Variants in ANKRD30A observed in about 807,000 individuals in gnomAD.
The protein encoded by ANKRD30A is ankyrin repeat domain 30A.
In ANKRD30A, 170 loss-of-function variants were observed where a neutral mutation model predicts 166.3. The ratio of observed to expected loss-of-function variants is 1.02; its 90% CI spans 0.90 to 1.16. ANKRD30A has a LOEUF of 1.16. ANKRD30A is among the 50% of genes most tolerant of loss of function. The pLI is 0.00. For synonymous variants in ANKRD30A, 564 were observed against 508.9 expected, an observed-to-expected ratio of 1.11 and a Z score of -1.46; for missense variants, 1,630 against 1,518.0, an observed-to-expected ratio of 1.07 and a Z score of -1.23.
chr10:37,159,496 G>C (rs944371786), intron 15 of ANKRD30A, among the ~76,000 whole-genome samples: 2 of 152,042 alleles, frequency 1.3e-5, no homozygotes, highest in African/African-American at 2.4e-5. Context: ...TTGAGTGACA[G>C]AGTGAGACTC....
chr10:37,218,876 A>G, intron 33 of ANKRD30A, 104 bp from the exon 34 acceptor site: 1 of 777,012 alleles, frequency 1.3e-6, no homozygotes, highest in Admixed American at 3.1e-5. Context: ...TACTTATAAA[A>G]ACCCTTTCAT....
At chr10:37,134,978 G>T (rs1488055613) in intron 5 of ANKRD30A, among the ~76,000 whole-genome samples, 1 of 152,104 alleles carries the variant, frequency 6.6e-6, no homozygotes, top group Admixed American at 6.6e-5. Flanking sequence ...ATCTTATTCC[G>T]TAAGATCCCT....
rs201943652 is a variant in ANKRD30A, at chr10:37,132,247, T to C, written c.518T>C (p.Leu173Pro). The C allele has an allele frequency of 5.5e-5, 88 of 1,587,870 alleles. No homozygotes were observed. Among genetic ancestry groups the C allele is most frequent in the Non-Finnish European group, 7.3e-5 (85 of 1,169,612 alleles). ...TGTTTTGCTATTTTACAGGCTAGCC[T>C]CACACCACTTTTACTATCCATAACG... ...AVIEVHNKAS[L>P]TPLLLSITKR... The change falls in exon 4 of 36, where the codon CTC (leucine) becomes CCC (proline). Residue 173 changes from leucine (L) to proline (P), a missense_variant. By Grantham distance (98) the Leu-to-Pro change is moderately conservative (BLOSUM62 -3). Transcript: ENST00000361713.
chr10:37,129,173 C>G (rs1836232068), intron 1 of ANKRD30A, among the ~76,000 whole-genome samples: 2 of 152,132 alleles, frequency 1.3e-5, no homozygotes, highest in African/African-American at 2.4e-5. Context: ...CTGCCTCGTC[C>G]TGTTGTATAT....
chr10:37,224,282 AAT>A (rs1006407210), intron 34 of ANKRD30A, among the ~76,000 whole-genome samples: 1 of 151,184 alleles, frequency 6.6e-6, no homozygotes, highest in Non-Finnish European at 1.5e-5. Flanking sequence ...AATATCTAAA[AAT>A]ATGTCTTTGT....
At chr10:37,152,572 T>TG (rs1479389551) in intron 12 of ANKRD30A, among the ~76,000 whole-genome samples, 1 of 152,128 alleles carries the variant, frequency 6.6e-6, no homozygotes, top group East Asian at 1.9e-4. Context: ...TTGAATGTAT[T>TG]GACATATGTT....
chr10:37,196,091 C>CT lies in ANKRD30A; in HGVS notation c.2615-1189dup, dbSNP rs1554823840. Among the ~76,000 whole-genome samples the CT allele has an allele frequency of 9.8e-3, 1,131 of 115,558 alleles. 30 individuals are homozygous for CT. Among genetic ancestry groups the CT allele is most frequent in the African/African-American group, 0.033 (1,066 of 32,676 alleles). 75.8% of individuals were successfully genotyped at this position (115,558 alleles called of 152,430 possible). On this transcript the variant is annotated intron_variant, in intron 27 of 35. Coordinates refer to ENST00000361713, the MANE Select transcript of ANKRD30A (RefSeq NM_052997.3). The stretch of plus-strand genomic sequence containing the variant: ...AGAGTTAGAGGTTTTTTTATATTTT[C>CT]TATTTTTTTTTTTTTTTTTTTGTAG...
At chr10:37,158,922 A>T (rs1279593009) in intron 15 of ANKRD30A, among the ~76,000 whole-genome samples, 2 of 152,186 alleles carry the variant, frequency 1.3e-5, no homozygotes, top group African/African-American at 2.4e-5. Context: ...GCTGATTGGA[A>T]TTCCGATCTT....
chr10:37,151,967 C>G, intron 11 of ANKRD30A, 93 bp from the exon 12 acceptor site: 1 of 1,158,634 alleles, frequency 8.6e-7, no homozygotes, highest in Non-Finnish European at 1.2e-6. Flanking sequence ...GGAAAAACCA[C>G]AGATTCGTGA....
intron 6 of ANKRD30A, among the ~76,000 whole-genome samples, chr10:37,141,143 G>A (rs547508103): frequency 6.6e-6 from 1 of 151,802 alleles, no homozygotes; most frequent in African/African-American, 2.4e-5. Context: ...TTTATTATTT[G>A]TTACTTTATT....
At chr10:37,229,677 A>G (rs1843326408) in intron 34 of ANKRD30A, among the ~76,000 whole-genome samples, 1 of 151,948 alleles carries the variant, frequency 6.6e-6, no homozygotes, top group Non-Finnish European at 1.5e-5. Context: ...TTTTTCACGT[A>G]TTTAAAATTG....
chr10:37,190,057 T>C (rs1305895073), intron 25 of ANKRD30A, among the ~76,000 whole-genome samples: 1 of 151,824 alleles, frequency 6.6e-6, no homozygotes, highest in Non-Finnish European at 1.5e-5. Context: ...GGGAAGCCAT[T>C]AGGGATGGAA....
At chr10:37,247,852 A>C in the ANKRD30A span, among the ~76,000 whole-genome samples, 1 of 150,288 alleles carries the variant, frequency 6.7e-6, no homozygotes, top group Non-Finnish European at 1.5e-5. Flanking sequence ...ACTGTACTCC[A>C]GCCTGGGCGA....
intron 27 of ANKRD30A, among the ~76,000 whole-genome samples, chr10:37,197,038 G>A (rs1588900977): frequency 6.6e-6 from 1 of 152,144 alleles, no homozygotes; most frequent in Non-Finnish European, 1.5e-5. Context: ...CTGTTTACAC[G>A]TGAAACACAA....
chr10:37,218,732 G>T (rs1347838832), intron 33 of ANKRD30A, among the ~76,000 whole-genome samples: 1 of 150,132 alleles, frequency 6.7e-6, no homozygotes. Flanking sequence ...TCAATTCCGA[G>T]GTTCTTAAAA....
chr10:37,149,349 G>A (rs979436880), intron 9 of ANKRD30A, among the ~76,000 whole-genome samples: 4 of 151,910 alleles, frequency 2.6e-5, no homozygotes, highest in African/African-American at 9.7e-5. Flanking sequence ...CATTAAGTAC[G>A]TGGTGTAGCA....
intron 1 of ANKRD30A, among the ~76,000 whole-genome samples, chr10:37,127,046 C>CAAAAAAAAAAAAAAAAAAAAAAAAA (rs71007622): frequency 6.1e-5 from 1 of 16,504 alleles, no homozygotes; most frequent in Non-Finnish European, 8.9e-5. Flanking sequence ...AACTCTGTCT[C>CAAAAAAAAAAAAAAAAAAAAAAAAA]AAAAAAAAAA....
At chr10:37,139,778 A>T (rs1455110363) in intron 6 of ANKRD30A, among the ~76,000 whole-genome samples, 1 of 152,160 alleles carries the variant, frequency 6.6e-6, no homozygotes, top group Non-Finnish European at 1.5e-5. Context: ...GCCCAGGTTG[A>T]TATTGAACCT....
intron 13 of ANKRD30A, among the ~76,000 whole-genome samples, chr10:37,155,226 T>G (rs1341898589): frequency 6.6e-5 from 10 of 152,222 alleles, no homozygotes; most frequent in Non-Finnish European, 1.3e-4. Flanking sequence ...TACAGCAATA[T>G]TGAAAGCTTA....
Sources: allele counts gnomAD v4.1 joint callset (sites outside exome capture counted in the v4.1 genomes callset), GRCh38; gene constraint gnomAD v4.1.1; transcripts MANE v1.5; gene names NCBI Gene and HGNC (gene_info 2026-07-23, HGNC 2026-07-21).